MEIS2: variants seen among roughly 807,000 people sequenced by gnomAD.
MEIS2 encodes the protein homeobox protein Meis2.
A neutral mutation model predicts 58.6 loss-of-function variants in MEIS2; 9 were observed. The observed-to-expected ratio is 0.15, with a 90% CI of 0.09 to 0.27. The LOEUF (loss-of-function observed/expected upper bound fraction) is 0.27, where lower values mean the gene tolerates loss of function less well. MEIS2 is among the 10% of genes least tolerant of loss of function. The pLI is 1.00. For synonymous variants in MEIS2, 221 were observed against 228.4 expected (o/e 0.97, Z 0.29); for missense variants, 427 against 635.0 (o/e 0.67, Z 3.52).
intron 9 of MEIS2, among the ~76,000 whole-genome samples, chr15:36,906,885 T>A (rs2056768376): frequency 6.6e-6 from 1 of 152,206 alleles, no homozygotes; most frequent in Non-Finnish European, 1.5e-5. Context: ...GCCAAGTCGA[T>A]TGTTAGTAAA....
At chr15:37,043,940 C>A (rs2050089598) in intron 7 of MEIS2, among the ~76,000 whole-genome samples, 2 of 152,126 alleles carry the variant, frequency 1.3e-5, no homozygotes, top group Admixed American at 1.3e-4. Flanking sequence ...CCCACCTCGG[C>A]CTCCCAAAGT....
Position 37,065,273 on chromosome 15 carries a change from G to A in MEIS2, c.754+18498C>T, listed in dbSNP as rs141194022. 7.2e-4 allele frequency among the ~76,000 whole-genome samples: 109 copies of A among 152,248 alleles called. 1 individual carries two copies. In the East Asian group the frequency reaches 0.019, roughly 26 times the overall value. On this transcript the variant is annotated intron_variant, in intron 7 of 11. Coordinates refer to ENST00000561208, the MANE Select transcript of MEIS2 (RefSeq NM_170675.5). The stretch of plus-strand genomic sequence containing the variant: ...CTTCATGCTTTTGACACTACTATAG[G>A]CACTGAGATACATTTCTGGAGATTT...
At chr15:36,982,801 C>T (rs1178796092) in intron 8 of MEIS2, among the ~76,000 whole-genome samples, 1 of 152,286 alleles carries the variant, frequency 6.6e-6, no homozygotes, top group East Asian at 1.9e-4. Flanking sequence ...TTCTCCACAT[C>T]TTTGTCATCC....
chr15:37,071,367 C>A (rs947518244), intron 7 of MEIS2, among the ~76,000 whole-genome samples: 1 of 152,042 alleles, frequency 6.6e-6, no homozygotes, highest in African/African-American at 2.4e-5. Context: ...AACTAGAAGT[C>A]CGGGCTTGGG....
At position 37,090,069 on chromosome 15, in the gene MEIS2, G is replaced by A. The variant is rs370857837; in HGVS notation, c.639+3512C>T. 3.9e-5 allele frequency among the ~76,000 whole-genome samples: 6 copies of A among 152,036 alleles called. No individual in the cohort carries two copies. The East Asian group carries it at 1.2e-3, about 29-fold the overall frequency. ...AATGTCTAGGAAACTAACATGAACT[G>A]CAGCTGGAAAACAGAGTTCTATTTC... On this transcript the variant is annotated intron_variant, in intron 6 of 11. Transcript: ENST00000561208.
chr15:37,034,774 T>A (rs1030552204), intron 8 of MEIS2, among the ~76,000 whole-genome samples: 2 of 152,226 alleles, frequency 1.3e-5, no homozygotes, highest in African/African-American at 4.8e-5. Context: ...TCTGAGCGTA[T>A]TGATGGTGGA....
Position 37,098,184 on chromosome 15 carries a change from G to T in MEIS2, c.28C>A (p.His10Asn). 6.2e-7 allele frequency: 1 copy of T among 1,604,722 alleles called. No homozygotes were observed. The part of the protein sequence containing the change: MAQRYDELP[H>N]YGGMDGVGVP... ...CCTACTCCGTCCATCCCGCCGTAAT[G>T]GGGCAGCTCATCGTACTGTCAGAAC... Residue 10 changes from histidine (H) to asparagine (N), a missense_variant, in exon 2 of 12, where the codon CAT (histidine) becomes AAT (asparagine). Coordinates refer to ENST00000561208, the MANE Select transcript of MEIS2 (RefSeq NM_170675.5).
At chr15:36,892,581 T>G (rs1425156916) in intron 11 of MEIS2, 122 bp from the exon 12 acceptor site, 1 of 871,810 alleles carries the variant, frequency 1.1e-6, no homozygotes, top group Non-Finnish European at 1.8e-6. Flanking sequence ...TATACCTAAA[T>G]TTAGCTGCAG....
At chr15:37,039,067 T>C (rs570600005) in intron 7 of MEIS2, among the ~76,000 whole-genome samples, 17 of 152,278 alleles carry the variant, frequency 1.1e-4, no homozygotes, top group Admixed American at 3.3e-4. Context: ...GCAGTGGGCC[T>C]TGGGGATCTG....
chr15:36,956,890 A>T (rs1423207672), intron 8 of MEIS2, among the ~76,000 whole-genome samples: 1 of 145,324 alleles, frequency 6.9e-6, no homozygotes, highest in East Asian at 2.1e-4. Flanking sequence ...TGATTGTTAA[A>T]AAAAAAAAAA....
In MEIS2 at chr15:37,100,355, T is replaced by G. The variant is rs1443011106; in HGVS notation, c.-889A>C. On this transcript the variant is annotated 5_prime_UTR_variant, in exon 1 of 12. Transcript: ENST00000561208. ...GGAGATGAGTGAGTGTCAGTAGGTG[T>G]TGGCAGGTTGGCTGCTGCCTGGCTT... is the stretch of plus-strand genomic sequence containing the variant. 6.6e-6 allele frequency: 1 copy of G among 152,446 alleles called. No homozygotes were observed. Among genetic ancestry groups the G allele is most frequent in the Non-Finnish European group, 1.5e-5 (1 of 68,046 alleles). 9.4% of individuals were successfully genotyped at this position (152,446 alleles called of 1,614,324 possible).
intron 7 of MEIS2, among the ~76,000 whole-genome samples, chr15:37,040,899 TG>T (rs2062395110): frequency 6.6e-6 from 1 of 152,254 alleles, no homozygotes; most frequent in African/African-American, 2.4e-5. Context: ...AACAATTCCT[TG>T]GGTTTGCTTA....
intron 7 of MEIS2, among the ~76,000 whole-genome samples, chr15:37,040,329 G>A (rs1037315537): frequency 2.6e-5 from 4 of 152,186 alleles, no homozygotes; most frequent in Non-Finnish European, 5.9e-5. Flanking sequence ...ACCAGTGATT[G>A]TTGGTTGGGT....
intron 8 of MEIS2, among the ~76,000 whole-genome samples, chr15:36,996,433 T>C (rs1456535265): frequency 6.6e-6 from 1 of 152,058 alleles, no homozygotes; most frequent in Non-Finnish European, 1.5e-5. Context: ...TTTATCGAGA[T>C]TGGGAAAATT....
chr15:37,086,927 A>G (rs1291943613), intron 6 of MEIS2, among the ~76,000 whole-genome samples: 1 of 152,196 alleles, frequency 6.6e-6, no homozygotes, highest in Non-Finnish European at 1.5e-5. Context: ...GTTTTCCCTG[A>G]GATTAAAATA....
rs374137276 is a variant in MEIS2, at chr15:37,099,433, A to G, written c.12+22T>C. 3 of 1,613,970 alleles carry G rather than the reference A, an allele frequency of 1.9e-6. No individual in the cohort carries two copies. In the African/African-American group the frequency reaches 4.0e-5, roughly 22 times the overall value. ...TTAGGAGAGGATTTATATCTAGGTA[A>G]GTGTTGGAGATTTAAACCTACCCTT... is the stretch of plus-strand genomic sequence containing the variant. On this transcript the variant is annotated intron_variant, in intron 1 of 11. Transcript: ENST00000561208.
chr15:37,091,809 C>T (rs1436160328), intron 6 of MEIS2, among the ~76,000 whole-genome samples: 1 of 152,074 alleles, frequency 6.6e-6, no homozygotes, highest in Non-Finnish European at 1.5e-5. Flanking sequence ...AGTAGGTACT[C>T]CTAGAAATAT....
chr15:37,006,654 C>T (rs1002269079), intron 8 of MEIS2, among the ~76,000 whole-genome samples: 1 of 152,138 alleles, frequency 6.6e-6, no homozygotes, highest in Non-Finnish European at 1.5e-5. Flanking sequence ...AAAAATCTTC[C>T]CTCTTACAAC....
intron 7 of MEIS2, among the ~76,000 whole-genome samples, chr15:37,068,536 A>C (rs1363407382): frequency 6.6e-6 from 1 of 152,190 alleles, no homozygotes; most frequent in African/African-American, 2.4e-5. Context: ...ATTTATCACA[A>C]ACTAAGCACT....
Sources: gnomAD v4.1 joint callset for allele counts (sites outside exome capture counted in the v4.1 genomes callset) on GRCh38, gnomAD v4.1.1 for gene constraint, MANE v1.5 for transcripts, NCBI Gene and HGNC (gene_info 2026-07-23, HGNC 2026-07-21) for gene names.